MSN: variants seen among roughly 807,000 people sequenced by gnomAD.
MSN encodes the protein moesin.
A neutral mutation model predicts 48.0 loss-of-function variants in MSN; 2 were observed. The observed-to-expected ratio is 0.04, with a 90% CI of 0.02 to 0.13. The LOEUF is 0.13. Among genes scored for constraint, MSN ranks in the 10% least tolerant of loss-of-function variants. The probability of loss-of-function intolerance (pLI) is 1.00; values close to 1 mark genes in which losing one functional copy is unlikely to be tolerated. For missense variants in MSN, 267 were observed against 470.1 expected (o/e 0.57, Z 3.99); for synonymous variants, 146 against 166.9 (o/e 0.87, Z 0.97).
At chrX:65,617,275 G>A (rs2070383348) in intron 1 of MSN, among the ~76,000 whole-genome samples, 1 of 110,927 alleles carries the variant, frequency 9.0e-6, no homozygotes, top group African/African-American at 3.4e-5. Context: ...TAGTTTAGAA[G>A]GAATGGTACC....
At chrX:65,734,581 T>C (rs1189569841) in intron 7 of MSN, among the ~76,000 whole-genome samples, 4 of 111,826 alleles carry the variant, frequency 3.6e-5, no homozygotes, top group Admixed American at 9.5e-5. Flanking sequence ...TCCAGTGGTA[T>C]TTGTAGTAAC....
rs941160296 is a variant in MSN, at chrX:65,634,843, G to A, written c.-22+46231G>A. On this transcript the variant is annotated intron_variant, in intron 1 of 3. Coordinates refer to the MSN transcript ENST00000609672. Reference sequence around the variant, plus strand: ...GCCTGATCCACTTGGGCTCACTGCTGCTTGGGCTCACGTACCTTGGGGCCT... The same window carrying A: ...GCCTGATCCACTTGGGCTCACTGCTACTTGGGCTCACGTACCTTGGGGCCT... Among the ~76,000 whole-genome samples the A allele has an allele frequency of 3.6e-5, 4 of 111,243 alleles. No individual in the cohort carries two copies. In the East Asian group the frequency reaches 8.6e-4, roughly 24 times the overall value.
intron 1 of MSN, among the ~76,000 whole-genome samples, chrX:65,606,253 C>T (rs199966602): frequency 2.2e-4 from 24 of 109,113 alleles, no homozygotes; most frequent in African/African-American, 7.7e-4. Context: ...CTCAGCCTCC[C>T]GAGTAGCTGG....
chrX:65,610,889 T>C (rs1378389355), intron 1 of MSN, among the ~76,000 whole-genome samples: 2 of 112,106 alleles, frequency 1.8e-5, no homozygotes, highest in Admixed American at 9.5e-5. Context: ...CAAATACACA[T>C]AACATAAAAT....
chrX:65,716,012 T>C (rs184306811), intron 1 of MSN, among the ~76,000 whole-genome samples: 2 of 112,231 alleles, frequency 1.8e-5, no homozygotes, highest in African/African-American at 6.5e-5. Flanking sequence ...ATACCTAGTT[T>C]ATTGAGAACT....
chrX:65,670,949 TATA>T (rs2070934455), intron 1 of MSN, among the ~76,000 whole-genome samples: 2 of 51,874 alleles, frequency 3.9e-5, no homozygotes, highest in Admixed American at 2.4e-4. Context: ...TATATATATA[TATA>T]TATTTAAAAA....
At chrX:65,709,120 G>C (rs779828306) in intron 1 of MSN, among the ~76,000 whole-genome samples, 1 of 112,327 alleles carries the variant, frequency 8.9e-6, no homozygotes, top group Non-Finnish European at 1.9e-5. Flanking sequence ...GTAAACACGA[G>C]GGTGCAGATA....
At chrX:65,731,460 G>C (rs1030737231) in intron 5 of MSN, among the ~76,000 whole-genome samples, 5 of 111,543 alleles carry the variant, frequency 4.5e-5, no homozygotes, top group African/African-American at 1.3e-4. Flanking sequence ...ATTTTTGAGG[G>C]TTGTGTAGTT....
intron 1 of MSN, among the ~76,000 whole-genome samples, chrX:65,615,879 T>A (rs1450150069): frequency 9.0e-6 from 1 of 111,323 alleles, no homozygotes; most frequent in East Asian, 2.8e-4. Context: ...AATTGATTTT[T>A]GTATAAGGTG....
At chrX:65,733,060 TAAAA>T in intron 6 of MSN, 120 bp from the exon 7 acceptor site, 1 of 411,411 alleles carries the variant, frequency 2.4e-6, no homozygotes, top group Non-Finnish European at 4.0e-6. Context: ...CTATTTATTT[TAAAA>T]AAAAAAAAAG....
intron 1 of MSN, among the ~76,000 whole-genome samples, chrX:65,659,151 T>A (rs1431860703): frequency 9.2e-6 from 1 of 108,853 alleles, no homozygotes. Flanking sequence ...GCTACCTTTT[T>A]TCTTTTTTCT....
chrX:65,618,276 C>T (rs1227235517), intron 1 of MSN, among the ~76,000 whole-genome samples: 6 of 111,161 alleles, frequency 5.4e-5, no homozygotes, highest in Non-Finnish European at 9.4e-5. Context: ...GACTTTCTGT[C>T]TTGTTGATCT....
intron 1 of MSN, among the ~76,000 whole-genome samples, chrX:65,629,429 C>A (rs1424026729): frequency 8.9e-6 from 1 of 112,266 alleles, no homozygotes; most frequent in African/African-American, 3.2e-5. Flanking sequence ...CCAGCCTCTG[C>A]CTGTTACCCA....
intron 1 of MSN, among the ~76,000 whole-genome samples, chrX:65,614,550 C>A (rs1206780158): frequency 1.8e-5 from 2 of 108,204 alleles, no homozygotes; most frequent in African/African-American, 3.3e-5. Flanking sequence ...TTTCCTTGAG[C>A]AGTGGTTTGT....
chrX:65,631,255 G>A (rs776506056), intron 1 of MSN, among the ~76,000 whole-genome samples: 21 of 109,531 alleles, frequency 1.9e-4, no homozygotes, highest in Admixed American at 8.9e-4. Flanking sequence ...CACCATGCCC[G>A]GATAATTTTT....
intron 1 of MSN, among the ~76,000 whole-genome samples, chrX:65,716,094 G>C (rs927287019): frequency 1.1e-4 from 12 of 111,659 alleles, no homozygotes; most frequent in Non-Finnish European, 1.9e-4. Flanking sequence ...GGAACCCAGT[G>C]CTCTTTGTCC....
At chrX:65,664,419 C>T (rs945479175), upstream of MSN, among the ~76,000 whole-genome samples, 2 of 111,736 alleles carry the variant, frequency 1.8e-5, no homozygotes, top group Non-Finnish European at 3.8e-5. Context: ...TGCACATGTA[C>T]CCCCTGTATC....
rs17264644 is a variant in MSN at position 65,598,557 on chromosome X, T to C, written c.-22+9945T>C. Among the ~76,000 whole-genome samples the C allele has an allele frequency of 6.8e-3, 763 of 111,747 alleles. 21 individuals are homozygous for C. The highest frequency in any genetic ancestry group is 0.052 in the Admixed American group (547 of 10,486). On this transcript the variant is annotated intron_variant, in intron 1 of 3. Transcript: ENST00000609672. The stretch of plus-strand genomic sequence containing the variant: ...AAAATCCTACGTCTTGAATAGGATC[T>C]AGAAGTGAAAGAACCCTTGAAAAAA...
chrX:65,608,556 C>T (rs1288491351), intron 1 of MSN, among the ~76,000 whole-genome samples: 1 of 110,613 alleles, frequency 9.0e-6, no homozygotes. Context: ...GCAAGAAACA[C>T]AGGATATAGG....
Sources: allele counts gnomAD v4.1 joint callset (sites outside exome capture counted in the v4.1 genomes callset), GRCh38; gene constraint gnomAD v4.1.1; transcripts MANE v1.5; gene names NCBI Gene and HGNC (gene_info 2026-07-23, HGNC 2026-07-21).